Variants in BTLA observed in about 807,000 individuals in gnomAD.
BTLA encodes the protein B- and T-lymphocyte attenuator.
BTLA carries 11 observed loss-of-function variants against 25.0 expected under a neutral mutation model. That is an observed-to-expected ratio of 0.44 (90% confidence interval 0.28 to 0.73). The LOEUF (loss-of-function observed/expected upper bound fraction) is 0.73. Among genes scored for constraint, BTLA ranks in the 30% least tolerant of loss-of-function variants. The pLI is 0.15. For missense variants in BTLA, 282 were observed against 332.8 expected (o/e 0.85, Z 1.19); for synonymous variants, 104 against 119.8 (o/e 0.87, Z 0.86).
In BTLA at chr3:112,464,049, T is replaced by C. The variant is rs2082211524; in HGVS notation, c.*2059A>G. 2.5e-6 allele frequency: 1 copy of C among 397,310 alleles called. No homozygotes were observed. Among genetic ancestry groups the C allele is most frequent in the Non-Finnish European group, 4.4e-6 (1 of 225,222 alleles). 24.6% of individuals were successfully genotyped at this position (397,310 alleles called of 1,614,324 possible). ...AAATTTGTGAAAAACCATTAAATTA[T>C]CTACATATTCTTTTTCTCAAACCCT... is the stretch of plus-strand genomic sequence containing the variant. On this transcript the variant is annotated 3_prime_UTR_variant, in exon 5 of 5. Transcript: ENST00000334529.
intron 2 of BTLA, among the ~76,000 whole-genome samples, chr3:112,471,909 T>C (rs892683781): frequency 6.6e-6 from 1 of 152,250 alleles, no homozygotes; most frequent in African/African-American, 2.4e-5. Flanking sequence ...TGCGCATTAC[T>C]ATTGATCAAT....
rs756056550 is a variant in BTLA at position 112,469,753 on chromosome 3, C to G, written c.594+5G>C. ...CATTTGTTTCAACAGCTACATCAAGCTTACCAGGTTAATTTCCCTTCCTGC... is the reference window on the plus strand; with the variant it reads ...CATTTGTTTCAACAGCTACATCAAGGTTACCAGGTTAATTTCCCTTCCTGC... On this transcript the variant is annotated splice_donor_5th_base_variant and intron_variant, in intron 4 of 4. Coordinates refer to ENST00000334529, the MANE Select transcript of BTLA (RefSeq NM_181780.4). 3 of 1,598,514 alleles carry G rather than the reference C, an allele frequency of 1.9e-6. No individual in the cohort carries two copies. The highest frequency in any genetic ancestry group is 3.4e-5 in the Admixed American group (2 of 58,630).
At chr3:112,498,973 T>C (rs1269480591) in intron 1 of BTLA, among the ~76,000 whole-genome samples, 2 of 152,216 alleles carry the variant, frequency 1.3e-5, no homozygotes, top group Non-Finnish European at 2.9e-5. Context: ...GAAGTAGTGA[T>C]AGATTTGTAC....
At chr3:112,487,961 A>G (rs2082357458) in intron 1 of BTLA, among the ~76,000 whole-genome samples, 1 of 152,078 alleles carries the variant, frequency 6.6e-6, no homozygotes, top group Non-Finnish European at 1.5e-5. Context: ...CATCTACCTA[A>G]TCACATTAGC....
At chr3:112,481,234 G>A (rs1202815097) in intron 1 of BTLA, among the ~76,000 whole-genome samples, 1 of 152,170 alleles carries the variant, frequency 6.6e-6, no homozygotes, top group Non-Finnish European at 1.5e-5. Context: ...ACAGTTCTGG[G>A]GTCTCAGTGG....
At chr3:112,489,471 C>T (rs1028242211) in intron 1 of BTLA, among the ~76,000 whole-genome samples, 1 of 152,144 alleles carries the variant, frequency 6.6e-6, no homozygotes, top group Non-Finnish European at 1.5e-5. Context: ...ACCTGAGTTT[C>T]ACTATGTCTC....
intron 1 of BTLA, among the ~76,000 whole-genome samples, chr3:112,484,387 C>T (rs1490658076): frequency 6.6e-6 from 1 of 152,188 alleles, no homozygotes; most frequent in Non-Finnish European, 1.5e-5. Context: ...TTGAACATGT[C>T]TGTTTCAAAT....
chr3:112,482,930 G>C (rs776411255), intron 1 of BTLA, among the ~76,000 whole-genome samples: 1 of 152,074 alleles, frequency 6.6e-6, no homozygotes, highest in Non-Finnish European at 1.5e-5. Flanking sequence ...CCAGAAGTCC[G>C]TTCCTCTCCC....
chr3:112,481,090 C>A (rs2082315644), intron 1 of BTLA, among the ~76,000 whole-genome samples: 1 of 152,158 alleles, frequency 6.6e-6, no homozygotes, highest in African/African-American at 2.4e-5. Context: ...GAGAAAGTAA[C>A]AGTTCCTAAG....
chr3:112,497,508 A>G (rs1009671145), intron 1 of BTLA, among the ~76,000 whole-genome samples: 1 of 152,154 alleles, frequency 6.6e-6, no homozygotes, highest in Non-Finnish European at 1.5e-5. Context: ...ACTGAAACTC[A>G]TTGTTCTTAA....
chr3:112,478,405 T>C, intron 2 of BTLA, among the ~76,000 whole-genome samples: 1 of 152,172 alleles, frequency 6.6e-6, no homozygotes, highest in Middle Eastern at 3.2e-3. Context: ...ATGGAACTGT[T>C]TCCTTAATTT....
intron 1 of BTLA, among the ~76,000 whole-genome samples, chr3:112,491,512 C>T (rs975758034): frequency 6.6e-6 from 1 of 151,984 alleles, no homozygotes; most frequent in Non-Finnish European, 1.5e-5. Flanking sequence ...GAATATAAGC[C>T]ACTTGCCCAA....
intron 2 of BTLA, among the ~76,000 whole-genome samples, chr3:112,478,045 G>T (rs2082298645): frequency 6.8e-6 from 1 of 148,028 alleles, no homozygotes; most frequent in African/African-American, 2.5e-5. Context: ...AGTAAGTTTT[G>T]AAATAGGGAA....
Position 112,466,118 on chromosome 3 carries a change from A to C in BTLA, c.860T>G (p.Val287Gly), listed in dbSNP as rs750970562. 2.5e-6 allele frequency: 4 copies of C among 1,592,206 alleles called. No homozygotes were observed. ...EAPTEYASIC[V>G]RS The stretch of plus-strand genomic sequence containing the variant: ...GAGTCAGAAACAGACTTAACTCCTC[A>C]CACATATGGATGCATATTCTGTTGG... Residue 287 changes from valine to glycine, a missense_variant, in exon 5 of 5, where the codon GTG becomes GGG. Val to Gly is a moderately radical substitution (Grantham distance 109). Transcript: ENST00000334529.
chr3:112,467,214 C>T (rs902624099), intron 4 of BTLA, among the ~76,000 whole-genome samples: 15 of 152,168 alleles, frequency 9.9e-5, no homozygotes, highest in African/African-American at 3.6e-4. Context: ...CCCGCCTCGG[C>T]CTCCCAAAGT....
rs147863583 is a variant in BTLA at position 112,473,649 on chromosome 3, C to G, written c.404-2294G>C. Among the ~76,000 whole-genome samples the G allele has an allele frequency of 9.2e-3, 1,192 of 129,314 alleles. 45 individuals carry two copies. Among genetic ancestry groups the G allele is most frequent in the East Asian group, 0.079 (332 of 4,218 alleles). 84.8% of individuals were successfully genotyped at this position (129,314 alleles called of 152,430 possible). Reference sequence around the variant, plus strand: ...TTTTTTTTTGAGATGGAGTCTCGCTCTATCACCCAGGCTGGAGTGCAGTGG... The same window carrying G: ...TTTTTTTTTGAGATGGAGTCTCGCTGTATCACCCAGGCTGGAGTGCAGTGG... On this transcript the variant is annotated intron_variant, in intron 2 of 4. Transcript: ENST00000334529.
chr3:112,469,457 A>G (rs1171588331), intron 4 of BTLA, among the ~76,000 whole-genome samples: 2 of 152,002 alleles, frequency 1.3e-5, no homozygotes, highest in East Asian at 3.8e-4. Context: ...TCAAGTTTGT[A>G]TGGTTCAGTC....
intron 1 of BTLA, among the ~76,000 whole-genome samples, chr3:112,482,655 T>C (rs1262087004): frequency 6.6e-6 from 1 of 152,214 alleles, no homozygotes; most frequent in African/African-American, 2.4e-5. Context: ...AGACAACTTT[T>C]AGAACCTCTT....
rs1198174386 is a variant in BTLA, at chr3:112,464,212, A to G, written c.*1896T>C. On this transcript the variant is annotated 3_prime_UTR_variant, in exon 5 of 5. Coordinates refer to ENST00000334529, the MANE Select transcript of BTLA (RefSeq NM_181780.4). ...TGATTTTGGCAAACAGTACAAATAT[A>G]TTAATACATCTTAGAGATGAAATCA... The G allele has an allele frequency of 5.0e-6, 2 of 397,776 alleles. No homozygotes were observed. Among genetic ancestry groups the G allele is most frequent in the African/African-American group, 4.1e-5 (2 of 48,610 alleles). The allele number at this position is 397,776 out of a possible 1,614,324, so 24.6% of individuals were successfully genotyped here.
Sources: allele counts gnomAD v4.1 joint callset (sites outside exome capture counted in the v4.1 genomes callset), GRCh38; gene constraint gnomAD v4.1.1; transcripts MANE v1.5; gene names NCBI Gene and HGNC (gene_info 2026-07-23, HGNC 2026-07-21).